Variants in CUX1 observed in about 807,000 individuals in gnomAD.
CUX1 encodes the protein cut like homeobox 1, also known as protein CASP.
In CUX1, 31 loss-of-function variants were observed where a neutral mutation model predicts 158.8. The ratio of observed to expected loss-of-function variants is 0.20; its 90% CI spans 0.15 to 0.26. CUX1 has a LOEUF of 0.26. Ranked by LOEUF, CUX1 falls within the 10% of genes least tolerant of loss-of-function variation. The pLI is 1.00. For synonymous variants in CUX1, 879 were observed against 862.1 expected, an observed-to-expected ratio of 1.02 and a Z score of -0.34; for missense variants, 1,589 against 2,014.6, an observed-to-expected ratio of 0.79 and a Z score of 4.04.
intron 7 of CUX1, among the ~76,000 whole-genome samples, chr7:102,114,226 T>C (rs560413962): frequency 5.9e-5 from 9 of 152,244 alleles, no homozygotes; most frequent in Non-Finnish European, 1.2e-4. Flanking sequence ...CATATATACA[T>C]GCAATTATGT....
intron 1 of CUX1, among the ~76,000 whole-genome samples, chr7:101,894,982 G>A (rs1019583178): frequency 6.6e-6 from 1 of 151,922 alleles, no homozygotes; most frequent in Non-Finnish European, 1.5e-5. Context: ...AGTACTGGTC[G>A]GCTTCCTAGA....
At chr7:102,282,604 C>T in intron 21 of CUX1, 1 of 1,182,636 alleles carries the variant, frequency 8.5e-7, no homozygotes, top group South Asian at 1.4e-5. Flanking sequence ...GCCCCGGAGT[C>T]TGGGGCTCGA....
intron 12 of CUX1, among the ~76,000 whole-genome samples, chr7:102,191,311 G>A (rs572001035): frequency 3.3e-5 from 5 of 152,284 alleles, no homozygotes; most frequent in Non-Finnish European, 4.4e-5. Flanking sequence ...TCGGCTCACC[G>A]CAACCTCCGC....
intron 1 of CUX1, among the ~76,000 whole-genome samples, chr7:101,826,812 C>T (rs1297833139): frequency 6.6e-6 from 1 of 152,098 alleles, no homozygotes; most frequent in African/African-American, 2.4e-5. Context: ...AGCTTGGGTT[C>T]CCTCCCTCTG....
intron 8 of CUX1, among the ~76,000 whole-genome samples, chr7:102,141,082 G>C (rs1051283106): frequency 6.6e-6 from 1 of 152,050 alleles, no homozygotes; most frequent in African/African-American, 2.4e-5. Flanking sequence ...GACGGTCTTC[G>C]TGGGGCCAGC....
chr7:102,224,742 C>T (rs1798177517), intron 20 of CUX1, among the ~76,000 whole-genome samples: 1 of 152,204 alleles, frequency 6.6e-6, no homozygotes, highest in South Asian at 2.1e-4. Context: ...GAAGAAAGAA[C>T]TGTACAGCCT....
chr7:101,979,272 G>T (rs1476201549), intron 2 of CUX1, among the ~76,000 whole-genome samples: 1 of 152,178 alleles, frequency 6.6e-6, no homozygotes, highest in East Asian at 1.9e-4. Context: ...GGGCCACTGG[G>T]TGGAAGAGGG....
intron 3 of CUX1, among the ~76,000 whole-genome samples, chr7:102,048,583 A>G (rs1038265916): frequency 6.6e-6 from 1 of 152,160 alleles, no homozygotes; most frequent in Non-Finnish European, 1.5e-5. Flanking sequence ...AATCCCAGCA[A>G]TTTGGGAGGC....
In CUX1 at chr7:102,202,189, A is replaced by G. The variant is rs1554520038; in HGVS notation, c.2892A>G (p.Arg964=). 6.2e-7 allele frequency: 1 copy of G among 1,606,534 alleles called. No homozygotes were observed. The change falls in exon 18 of 24, where the codon AGA becomes AGG. Residue 964 remains arginine (R), a synonymous_variant. Transcript: ENST00000292535. The part of the protein sequence containing the change: ...EKLAKNGICQ[R]IFGEKVLGLS... ...TGGCCAAGAACGGCATCTGCCAGAG[A>G]ATCTTCGGGGAGAAGGTAAGGGATC... is the stretch of plus-strand genomic sequence containing the variant.
chr7:102,068,789 G>A (rs1185540577), intron 3 of CUX1, among the ~76,000 whole-genome samples: 1 of 152,188 alleles, frequency 6.6e-6, no homozygotes, highest in Non-Finnish European at 1.5e-5. Context: ...GTATGACATT[G>A]GTACATGTGC....
chr7:101,874,613 G>A (rs1798924468), intron 1 of CUX1, among the ~76,000 whole-genome samples: 1 of 152,176 alleles, frequency 6.6e-6, no homozygotes, highest in African/African-American at 2.4e-5. Context: ...TCAGGGAGAA[G>A]TCAAGTCACT....
intron 22 of CUX1, chr7:102,282,875 C>T (rs1314117375): frequency 1.1e-6 from 1 of 916,640 alleles, no homozygotes; most frequent in Non-Finnish European, 1.6e-6. Context: ...CACTCCTTAG[C>T]CCTCCATCAC....
chr7:101,996,067 C>T (rs895778812), intron 2 of CUX1, among the ~76,000 whole-genome samples: 4 of 151,430 alleles, frequency 2.6e-5, no homozygotes, highest in Admixed American at 6.6e-5. Context: ...GATGAGATCG[C>T]GCCACTGCAC....
chr7:102,219,650 A>G (rs997356458), intron 20 of CUX1, among the ~76,000 whole-genome samples: 1 of 152,194 alleles, frequency 6.6e-6, no homozygotes, highest in Admixed American at 6.5e-5. Context: ...CGTCTCTGAT[A>G]TTCCTTAGGA....
chr7:102,093,446 CA>C (rs555236767), intron 4 of CUX1, among the ~76,000 whole-genome samples: 38 of 152,272 alleles, frequency 2.5e-4, no homozygotes, highest in Admixed American at 1.9e-3. Context: ...CTCGGCCTCC[CA>C]AAGTGCTGAG....
At chr7:102,064,523 C>T (rs1168770151) in intron 3 of CUX1, among the ~76,000 whole-genome samples, 1 of 152,200 alleles carries the variant, frequency 6.6e-6, no homozygotes, top group Non-Finnish European at 1.5e-5. Flanking sequence ...TGTTACCAAG[C>T]CTTGGCTTGT....
rs1028486290 is a variant in CUX1, at chr7:101,817,631, G to A, written c.-9G>A. Reference sequence around the variant, plus strand: ...GGCGCCGGGACAGCCCCGGGACTCTGCCAGGTGGATGTTGTGCGTAGCCGG... The same window carrying A: ...GGCGCCGGGACAGCCCCGGGACTCTACCAGGTGGATGTTGTGCGTAGCCGG... On this transcript the variant is annotated 5_prime_UTR_variant, in exon 1 of 24. Transcript: ENST00000292535. The surrounding 1 kb of genome is among the most constrained non-coding windows in gnomAD (Gnocchi z 4.1). 2.8e-5 allele frequency: 43 copies of A among 1,550,352 alleles called. No individual in the cohort carries two copies. The highest frequency in any genetic ancestry group is 3.7e-5 in the Non-Finnish European group (43 of 1,147,190).
chr7:101,838,442 A>G (rs928590410), intron 1 of CUX1, among the ~76,000 whole-genome samples: 1 of 150,790 alleles, frequency 6.6e-6, no homozygotes. Context: ...ACTCACCACA[A>G]TTTTTGAGAT....
At chr7:102,242,127 A>G (rs1211914434) in intron 23 of CUX1, among the ~76,000 whole-genome samples, 1 of 152,124 alleles carries the variant, frequency 6.6e-6, no homozygotes, top group Non-Finnish European at 1.5e-5. Flanking sequence ...GAAGGAAATG[A>G]ACGGAAACGT....
Sources: allele counts gnomAD v4.1 joint callset (sites outside exome capture counted in the v4.1 genomes callset), GRCh38; gene constraint gnomAD v4.1.1; non-coding constraint Gnocchi (gnomAD v3.1); transcripts MANE v1.5; gene names NCBI Gene and HGNC (gene_info 2026-07-23, HGNC 2026-07-21).